PHYHIPL: variants seen among roughly 807,000 people sequenced by gnomAD.
PHYHIPL encodes phytanoyl-CoA 2-hydroxylase interacting protein like, also known as phytanoyl-CoA hydroxylase-interacting protein-like.
PHYHIPL carries 9 observed loss-of-function variants against 33.4 expected under a neutral mutation model. That is an observed-to-expected ratio of 0.27 (90% CI 0.16 to 0.47). The LOEUF (loss-of-function observed/expected upper bound fraction) is 0.47. Among genes scored for constraint, PHYHIPL ranks in the 20% least tolerant of loss-of-function variants. The pLI, the probability that PHYHIPL is intolerant of heterozygous loss-of-function variation, is 0.99. For missense variants in PHYHIPL, 365 were observed against 460.7 expected (o/e 0.79, Z 1.90); for synonymous variants, 153 against 154.1 (o/e 0.99, Z 0.05).
intron 1 of PHYHIPL, among the ~76,000 whole-genome samples, chr10:59,229,103 T>C (rs1325370120): frequency 6.6e-6 from 1 of 152,200 alleles, no homozygotes; most frequent in Non-Finnish European, 1.5e-5. Context: ...AACTGCTTTT[T>C]TGGATTAATC....
At chr10:59,177,767 G>A in intron 1 of PHYHIPL, 1 of 943,726 alleles carries the variant, frequency 1.1e-6, no homozygotes, top group Non-Finnish European at 1.6e-6. Context: ...AGTGCTTCTG[G>A]GTTAGCTGGA....
chr10:59,241,603 A>G (rs1322055584), intron 4 of PHYHIPL, among the ~76,000 whole-genome samples: 1 of 152,100 alleles, frequency 6.6e-6, no homozygotes, highest in Non-Finnish European at 1.5e-5. Flanking sequence ...GTTCTAGTAC[A>G]TATTTTCTGT....
upstream of PHYHIPL, among the ~76,000 whole-genome samples, chr10:59,175,886 G>A (rs1274574555): frequency 6.6e-6 from 1 of 152,226 alleles, no homozygotes; most frequent in African/African-American, 2.4e-5. Flanking sequence ...ATGAAGCTAC[G>A]CTGCGAAGGC....
At chr10:59,230,315 G>A (rs1840043656) in intron 1 of PHYHIPL, among the ~76,000 whole-genome samples, 1 of 150,934 alleles carries the variant, frequency 6.6e-6, no homozygotes, top group Non-Finnish European at 1.5e-5. Flanking sequence ...CTAGACTCAG[G>A]TGATTCTCCC....
intron 2 of PHYHIPL, among the ~76,000 whole-genome samples, chr10:59,235,739 A>C (rs1840210671): frequency 6.6e-6 from 1 of 151,938 alleles, no homozygotes. Flanking sequence ...TTCACTCTCC[A>C]CTTGGAATAC....
At chr10:59,212,710 G>A (rs951400458) in intron 1 of PHYHIPL, among the ~76,000 whole-genome samples, 4 of 152,106 alleles carry the variant, frequency 2.6e-5, no homozygotes, top group Non-Finnish European at 4.4e-5. Context: ...TGCCCAATTT[G>A]TGAATCATTG....
At chr10:59,239,324 C>A (rs943463426) in intron 4 of PHYHIPL, among the ~76,000 whole-genome samples, 1 of 151,900 alleles carries the variant, frequency 6.6e-6, no homozygotes, top group African/African-American at 2.4e-5. Context: ...TAGCAACAGG[C>A]AAAAAGAGAG....
upstream of PHYHIPL, chr10:59,176,587 C>T (rs1244450883): frequency 3.4e-6 from 1 of 297,152 alleles, no homozygotes; most frequent in Admixed American, 5.2e-5. Context: ...GCAGCGTCCC[C>T]TCCCCGCCGG....
chr10:59,242,833 G>A (rs1335019255), intron 4 of PHYHIPL, among the ~76,000 whole-genome samples: 1 of 152,108 alleles, frequency 6.6e-6, no homozygotes, highest in Non-Finnish European at 1.5e-5. Flanking sequence ...TAAACTTGAA[G>A]ATAGAATAGA....
chr10:59,177,205 T>C (rs1838276459), intron 1 of PHYHIPL: 2 of 582,216 alleles, frequency 3.4e-6, no homozygotes, highest in Non-Finnish European at 5.9e-6. Flanking sequence ...CTTCGCCGCC[T>C]TCGCCCGCCT....
chr10:59,177,063 G>C, intron 1 of PHYHIPL, 104 bp downstream of exon 1: 1 of 950,786 alleles, frequency 1.1e-6, no homozygotes, highest in Non-Finnish European at 1.6e-6. Flanking sequence ...AGGGTCTTTT[G>C]TTGTCCCCTC....
intron 1 of PHYHIPL, among the ~76,000 whole-genome samples, chr10:59,186,974 G>T (rs1838625800): frequency 6.6e-6 from 1 of 152,094 alleles, no homozygotes; most frequent in Non-Finnish European, 1.5e-5. Context: ...CTGCCTGATT[G>T]CCCTGGCCAG....
chr10:59,176,934 G>A lies in PHYHIPL; in HGVS notation c.81G>A (p.Glu27=), dbSNP rs371618994. 2 of 1,613,580 alleles carry A rather than the reference G, an allele frequency of 1.2e-6. No homozygotes were observed. The highest frequency in any genetic ancestry group is 1.7e-6 in the Non-Finnish European group (2 of 1,179,840). ...CEEVIKNLSL[E]AIQLCDRDGN... ...AGGTGATCAAAAACCTCAGCCTGGA[G>A]GCCATTCAGCTGTGCGACCGGGACG... is the stretch of plus-strand genomic sequence containing the variant. Residue 27 remains glutamate, a synonymous_variant, in exon 1 of 5, where the codon GAG becomes GAA. Transcript: ENST00000373880.
At chr10:59,226,133 C>T (rs951145906) in intron 1 of PHYHIPL, among the ~76,000 whole-genome samples, 10 of 150,760 alleles carry the variant, frequency 6.6e-5, no homozygotes, top group African/African-American at 1.7e-4. Context: ...TATAAAGAGA[C>T]GTAATTGAGA....
At chr10:59,204,506 G>A (rs11812135) in intron 1 of PHYHIPL, among the ~76,000 whole-genome samples, 13,900 of 152,206 alleles carry the variant, frequency 0.091, 841 homozygotes, top group South Asian at 0.2. Flanking sequence ...AAGAGGAGGA[G>A]AATTTCAGAG....
At chr10:59,242,563 TA>T (rs1407633574) in intron 4 of PHYHIPL, among the ~76,000 whole-genome samples, 2 of 152,066 alleles carry the variant, frequency 1.3e-5, no homozygotes, top group African/African-American at 4.8e-5. Flanking sequence ...TGAGAAAAGA[TA>T]ATCAAAGATA....
At chr10:59,229,454 TGA>T (rs1004675640) in intron 1 of PHYHIPL, among the ~76,000 whole-genome samples, 3 of 152,116 alleles carry the variant, frequency 2.0e-5, no homozygotes, top group Non-Finnish European at 2.9e-5. Flanking sequence ...TTTTAATTCT[TGA>T]GAGAGAAGGG....
chr10:59,241,335 AT>A (rs5785366), intron 4 of PHYHIPL, among the ~76,000 whole-genome samples: 13,915 of 152,160 alleles, frequency 0.091, 841 homozygotes, highest in South Asian at 0.2. Flanking sequence ...AACTGGATAA[AT>A]ACTTACTCAG....
chr10:59,227,543 A>G (rs566697768), intron 1 of PHYHIPL, among the ~76,000 whole-genome samples: 2 of 152,184 alleles, frequency 1.3e-5, no homozygotes, highest in Non-Finnish European at 2.9e-5. Flanking sequence ...CCATAGCAAT[A>G]TATTATACTT....
Sources: gnomAD v4.1 joint callset for allele counts (sites outside exome capture counted in the v4.1 genomes callset) on GRCh38, gnomAD v4.1.1 for gene constraint, MANE v1.5 for transcripts, NCBI Gene and HGNC (gene_info 2026-07-23, HGNC 2026-07-21) for gene names.